Variants in ATP8B4 observed in about 807,000 individuals in gnomAD.
The protein encoded by ATP8B4 is probable phospholipid-transporting ATPase IM.
In ATP8B4, 133 loss-of-function variants were observed where a neutral mutation model predicts 145.6. The ratio of observed to expected loss-of-function variants is 0.91; its 90% CI spans 0.79 to 1.05. The LOEUF is 1.05. ATP8B4 is among the 50% of genes least tolerant of loss of function. The pLI is 0.00. For missense variants in ATP8B4, 1,458 were observed against 1,425.2 expected (o/e 1.02, Z -0.37); for synonymous variants, 507 against 492.9 (o/e 1.03, Z -0.38).
upstream of ATP8B4, among the ~76,000 whole-genome samples, chr15:50,120,962 T>C (rs1187377387): frequency 1.3e-5 from 2 of 152,108 alleles, no homozygotes; most frequent in Admixed American, 1.3e-4. Context: ...ACTAAAACAG[T>C]GCCTGGAGCA....
At chr15:50,035,470 C>T (rs1416769234) in intron 6 of ATP8B4, among the ~76,000 whole-genome samples, 1 of 152,136 alleles carries the variant, frequency 6.6e-6, no homozygotes, top group African/African-American at 2.4e-5. Context: ...ATGGATAGAA[C>T]TCTAACGTAG....
chr15:49,862,116 C>T (rs1374677130), intron 27 of ATP8B4, 129 bp downstream of exon 27: 1 of 1,190,386 alleles, frequency 8.4e-7, no homozygotes, highest in African/African-American at 1.5e-5. Context: ...GATGTGATCT[C>T]ATGCACCAGT....
At chr15:50,043,404 T>C (rs1783161904) in intron 5 of ATP8B4, among the ~76,000 whole-genome samples, 1 of 152,184 alleles carries the variant, frequency 6.6e-6, no homozygotes, top group Non-Finnish European at 1.5e-5. Context: ...GGTCCACTTA[T>C]ACACAGATTT....
chr15:49,925,186 A>G (rs1171057489), intron 16 of ATP8B4, among the ~76,000 whole-genome samples: 2 of 152,168 alleles, frequency 1.3e-5, no homozygotes, highest in Admixed American at 1.3e-4. Context: ...ACTAGTTACT[A>G]TAATTATTAT....
chr15:50,013,119 T>A lies in ATP8B4; in HGVS notation c.363-2202A>T, dbSNP rs533264250. On this transcript the variant is annotated intron_variant, in intron 6 of 27. Coordinates refer to ENST00000284509, the MANE Select transcript of ATP8B4 (RefSeq NM_024837.4). ...TACATAAAAAAAATCCCAGCAGAAC[T>A]GGAGGGTCAGACAAAATGATTTGCT... Among the ~76,000 whole-genome samples the A allele has an allele frequency of 6.6e-5, 10 of 152,294 alleles. No homozygotes were observed. The South Asian group carries it at 1.0e-3, about 16-fold the overall frequency.
intron 12 of ATP8B4, among the ~76,000 whole-genome samples, chr15:49,978,693 A>G (rs2045883182): frequency 6.6e-6 from 1 of 150,982 alleles, no homozygotes; most frequent in Non-Finnish European, 1.5e-5. Flanking sequence ...AGGATCAAAA[A>G]TGTCCCAGGT....
At chr15:50,022,817 G>A (rs1302931838) in intron 6 of ATP8B4, among the ~76,000 whole-genome samples, 1 of 152,166 alleles carries the variant, frequency 6.6e-6, no homozygotes, top group African/African-American at 2.4e-5. Flanking sequence ...GCTCAGGGAT[G>A]GTATATCAAA....
chr15:50,177,436 C>G (rs1038759356), intron 1 of ATP8B4, among the ~76,000 whole-genome samples: 5 of 152,174 alleles, frequency 3.3e-5, no homozygotes, highest in African/African-American at 7.2e-5. Context: ...AATCAAAAGC[C>G]CACCTATGCG....
At chr15:50,057,183 T>A (rs1348423479) in intron 3 of ATP8B4, among the ~76,000 whole-genome samples, 1 of 152,234 alleles carries the variant, frequency 6.6e-6, no homozygotes, top group East Asian at 1.9e-4. Context: ...ACTTTCTATG[T>A]CATAGATTCT....
chr15:50,041,491 C>A (rs2051279674), intron 5 of ATP8B4, among the ~76,000 whole-genome samples: 1 of 152,208 alleles, frequency 6.6e-6, no homozygotes, highest in African/African-American at 2.4e-5. Context: ...CATAAGACTA[C>A]CTTGTACACT....
intron 1 of ATP8B4, among the ~76,000 whole-genome samples, chr15:50,163,870 C>A (rs917275476): frequency 1.1e-4 from 16 of 152,162 alleles, no homozygotes; most frequent in Admixed American, 9.8e-4. Context: ...CTTCTTCCTT[C>A]CCCTTTTCTT....
intron 1 of ATP8B4, among the ~76,000 whole-genome samples, chr15:50,168,993 C>A (rs1025979091): frequency 1.3e-5 from 2 of 152,170 alleles, no homozygotes; most frequent in Admixed American, 6.5e-5. Context: ...ACCTGGGAAT[C>A]TCACCCCCAT....
At chr15:49,986,355 T>C (rs1378650071) in intron 10 of ATP8B4, among the ~76,000 whole-genome samples, 1 of 152,358 alleles carries the variant, frequency 6.6e-6, no homozygotes, top group Middle Eastern at 3.4e-3. Flanking sequence ...GGAATGTTCA[T>C]GGTCAAGCCT....
At chr15:50,096,095 AAC>A (rs1235713591) in intron 2 of ATP8B4, among the ~76,000 whole-genome samples, 1 of 152,232 alleles carries the variant, frequency 6.6e-6, no homozygotes, top group East Asian at 1.9e-4. Flanking sequence ...TTCTCTGAGG[AAC>A]AAAGTGAACA....
intron 3 of ATP8B4, among the ~76,000 whole-genome samples, chr15:50,054,260 C>T (rs1410291327): frequency 6.6e-6 from 1 of 152,190 alleles, no homozygotes; most frequent in Non-Finnish European, 1.5e-5. Flanking sequence ...CCCACCATCT[C>T]CAATGCTTCG....
At position 50,044,513 on chromosome 15, in the gene ATP8B4, T is replaced by C; in HGVS notation, c.300+81A>G. 3.0e-6 allele frequency: 3 copies of C among 983,752 alleles called. No individual in the cohort carries two copies. The South Asian group carries it at 5.1e-5, about 17-fold the overall frequency. 60.9% of individuals were successfully genotyped at this position (983,752 alleles called of 1,614,324 possible). ...AACCAAAATAACTTCATTCAAAATT[T>C]CAAATGTATCTTCATTATCTATTTC... On this transcript the variant is annotated intron_variant, in intron 5 of 27. Coordinates refer to ENST00000284509, the MANE Select transcript of ATP8B4 (RefSeq NM_024837.4).
chr15:50,102,018 G>A (rs1323697380), intron 2 of ATP8B4, among the ~76,000 whole-genome samples: 1 of 151,828 alleles, frequency 6.6e-6, no homozygotes, highest in Admixed American at 6.6e-5. Flanking sequence ...AAATCAAGAT[G>A]GAAATTTAGA....
chr15:50,007,006 T>C (rs1195218706), intron 7 of ATP8B4, among the ~76,000 whole-genome samples: 1 of 152,120 alleles, frequency 6.6e-6, no homozygotes, highest in Non-Finnish European at 1.5e-5. Context: ...ACTCTGCATT[T>C]TTCCTGGTCC....
At chr15:50,000,517 T>C (rs935768585) in intron 8 of ATP8B4, among the ~76,000 whole-genome samples, 5 of 152,180 alleles carry the variant, frequency 3.3e-5, no homozygotes, top group South Asian at 2.1e-4. Flanking sequence ...GTCTCTTTTA[T>C]GTCATTTGCC....
Sources: gnomAD v4.1 joint callset for allele counts (sites outside exome capture counted in the v4.1 genomes callset) on GRCh38, gnomAD v4.1.1 for gene constraint, MANE v1.5 for transcripts, NCBI Gene and HGNC (gene_info 2026-07-23, HGNC 2026-07-21) for gene names.